RALGAPA2: variants seen among roughly 807,000 people sequenced by gnomAD.
RALGAPA2 encodes the protein ral GTPase-activating protein subunit alpha-2.
RALGAPA2 carries 139 observed loss-of-function variants against 230.4 expected under a neutral mutation model. The observed-to-expected ratio is 0.60, with a 90% CI of 0.53 to 0.69. RALGAPA2 has a LOEUF of 0.69. Among genes scored for constraint, RALGAPA2 ranks in the 30% least tolerant of loss-of-function variants. RALGAPA2 has a pLI of 0.00. For missense variants in RALGAPA2, 2,163 were observed against 2,276.0 expected (o/e 0.95, Z 1.01); for synonymous variants, 847 against 837.8 (o/e 1.01, Z -0.19).
At chr20:20,411,592 T>C (rs2060061015) in intron 38 of RALGAPA2, among the ~76,000 whole-genome samples, 1 of 152,144 alleles carries the variant, frequency 6.6e-6, no homozygotes, top group Non-Finnish European at 1.5e-5. Flanking sequence ...TCCTTCCATG[T>C]CTCCTGCATT....
rs2145360985 is a variant in RALGAPA2, at chr20:20,513,032, CCTT to C, written c.4334_4336del (p.Glu1445del). 4 of 1,613,260 alleles carry C rather than the reference CCTT, an allele frequency of 2.5e-6. No homozygotes were observed. The highest frequency in any genetic ancestry group is 3.4e-6 in the Non-Finnish European group (4 of 1,179,578). ...GCCCACTGGTGATCCCCCTACCGGTCCTTCTGTGGGTGTCTGAAGGTAGGAGAT... is the reference window on the plus strand; with the variant it reads ...GCCCACTGGTGATCCCCCTACCGGTCCTGTGGGTGTCTGAAGGTAGGAGAT... On this transcript the variant is annotated inframe_deletion, in exon 32 of 40. Transcript: ENST00000202677.
chr20:20,405,715 C>T (rs774150194), intron 38 of RALGAPA2, among the ~76,000 whole-genome samples: 3 of 152,186 alleles, frequency 2.0e-5, no homozygotes, highest in African/African-American at 7.2e-5. Flanking sequence ...TCTGTGGATT[C>T]GCTGGCTCCT....
At chr20:20,511,387 A>T (rs753621856) in intron 32 of RALGAPA2, 62 bp from the exon 33 acceptor site, 4 of 1,508,866 alleles carry the variant, frequency 2.7e-6, no homozygotes, top group Non-Finnish European at 3.5e-6. Context: ...GCCGCTTTTC[A>T]ATCAGTAATT....
chr20:20,622,137 G>A (rs532482539), intron 10 of RALGAPA2, among the ~76,000 whole-genome samples: 65 of 152,182 alleles, frequency 4.3e-4, no homozygotes, highest in Admixed American at 9.8e-4. Context: ...GAGAAAACTG[G>A]AAGAAAAATC....
chr20:20,558,251 C>A (rs778678827), intron 23 of RALGAPA2, among the ~76,000 whole-genome samples: 31 of 152,276 alleles, frequency 2.0e-4, no homozygotes, highest in Non-Finnish European at 4.0e-4. Context: ...GGTGATCCAC[C>A]CGCCTCAGCC....
At chr20:20,451,723 T>C (rs1399357695) in intron 37 of RALGAPA2, among the ~76,000 whole-genome samples, 1 of 152,262 alleles carries the variant, frequency 6.6e-6, no homozygotes, top group African/African-American at 2.4e-5. Context: ...TTAGCACAAC[T>C]GATCCAAAGT....
chr20:20,542,142 G>C (rs2063660418), intron 24 of RALGAPA2, among the ~76,000 whole-genome samples: 1 of 152,154 alleles, frequency 6.6e-6, no homozygotes, highest in East Asian at 1.9e-4. Flanking sequence ...CAAATCGTGA[G>C]TGAACTCCCA....
chr20:20,576,641 T>G (rs750041612), intron 20 of RALGAPA2, among the ~76,000 whole-genome samples: 22 of 152,182 alleles, frequency 1.4e-4, no homozygotes, highest in Non-Finnish European at 3.1e-4. Context: ...ACTGACCTTG[T>G]GTGGTTTGTT....
chr20:20,524,283 T>A, intron 30 of RALGAPA2, 123 bp downstream of exon 30: 4 of 1,327,634 alleles, frequency 3.0e-6, no homozygotes, highest in Non-Finnish European at 4.1e-6. Context: ...AGAAAACGTT[T>A]AAGCCACCAT....
intron 38 of RALGAPA2, among the ~76,000 whole-genome samples, chr20:20,403,805 T>A (rs772532703): frequency 4.6e-5 from 7 of 152,234 alleles, no homozygotes; most frequent in Non-Finnish European, 8.8e-5. Context: ...TCAGCAGCAC[T>A]GGCAAGGCAA....
At chr20:20,657,623 G>T (rs181572598) in intron 3 of RALGAPA2, among the ~76,000 whole-genome samples, 1 of 152,330 alleles carries the variant, frequency 6.6e-6, no homozygotes, top group African/African-American at 2.4e-5. Context: ...CCTGGTCCCA[G>T]TGAGTTCTCC....
At chr20:20,538,065 T>C (rs887173056) in intron 24 of RALGAPA2, among the ~76,000 whole-genome samples, 2 of 152,178 alleles carry the variant, frequency 1.3e-5, no homozygotes, top group African/African-American at 2.4e-5. Flanking sequence ...CTCAGAGAGA[T>C]GAGGCGCAGT....
intron 20 of RALGAPA2, among the ~76,000 whole-genome samples, chr20:20,578,416 T>C (rs1035754310): frequency 6.6e-6 from 1 of 152,200 alleles, no homozygotes; most frequent in African/African-American, 2.4e-5. Flanking sequence ...TTTTGTTTTA[T>C]TACTACTTAA....
At chr20:20,543,586 T>C (rs2063705616) in intron 24 of RALGAPA2, among the ~76,000 whole-genome samples, 1 of 152,158 alleles carries the variant, frequency 6.6e-6, no homozygotes, top group African/African-American at 2.4e-5. Flanking sequence ...TGTAGGAACA[T>C]GGATGAAGCT....
In RALGAPA2 at chr20:20,591,062, T is replaced by G. The variant is rs2065274191; in HGVS notation, c.2341+115A>C. On this transcript the variant is annotated intron_variant, in intron 17 of 39. Transcript: ENST00000202677. The stretch of plus-strand genomic sequence containing the variant: ...CATCCTTCTAATCAAATTAAAAAGG[T>G]AATTCCCTTGAAATAAATATATTCA... 3 of 1,221,354 alleles carry G rather than the reference T, an allele frequency of 2.5e-6. No individual in the cohort carries two copies. In the Admixed American group the frequency reaches 7.8e-5, roughly 32 times the overall value. The allele number at this position is 1,221,354 out of a possible 1,614,324, so 75.7% of individuals were successfully genotyped here. A position where few individuals can be genotyped will look rare whatever the true frequency, so the allele number is the denominator to read the frequency against.
chr20:20,483,933 G>T (rs1239392447), intron 36 of RALGAPA2, among the ~76,000 whole-genome samples: 1 of 152,156 alleles, frequency 6.6e-6, no homozygotes, highest in African/African-American at 2.4e-5. Context: ...CTCTAGTGAT[G>T]CTGGTGCACA....
chr20:20,601,953 G>T, intron 15 of RALGAPA2, 107 bp from the exon 16 acceptor site: 1 of 1,035,436 alleles, frequency 9.7e-7, no homozygotes, highest in Non-Finnish European at 1.3e-6. Flanking sequence ...TAATCAGCAG[G>T]TTTCCTTGTC....
At chr20:20,587,980 G>C (rs571167392) in intron 18 of RALGAPA2, among the ~76,000 whole-genome samples, 56 of 152,036 alleles carry the variant, frequency 3.7e-4, no homozygotes, top group Non-Finnish European at 7.7e-4. Context: ...TCTGATAATA[G>C]AAAGTGTTGG....
intron 3 of RALGAPA2, among the ~76,000 whole-genome samples, chr20:20,661,286 G>A (rs2067768159): frequency 6.6e-6 from 1 of 152,128 alleles, no homozygotes; most frequent in South Asian, 2.1e-4. Context: ...AGCCTCCTGA[G>A]TAGCTGGGAT....
Sources: allele counts gnomAD v4.1 joint callset (sites outside exome capture counted in the v4.1 genomes callset), GRCh38; gene constraint gnomAD v4.1.1; transcripts MANE v1.5; gene names NCBI Gene and HGNC (gene_info 2026-07-23, HGNC 2026-07-21).